The following FHIT variants were observed in gnomAD, a reference collection of about 807,000 sequenced individuals.
FHIT encodes the protein bis(5'-adenosyl)-triphosphatase.
A neutral mutation model predicts 17.9 loss-of-function variants in FHIT; 19 were observed. The observed-to-expected ratio is 1.06, with a 90% CI of 0.74 to 1.56. The LOEUF (loss-of-function observed/expected upper bound fraction) is 1.56. Among genes scored for constraint, FHIT ranks in the 40% most tolerant of loss-of-function variants. The pLI, the probability that FHIT is intolerant of heterozygous loss-of-function variation, is 0.00. For synonymous variants in FHIT, 81 were observed against 69.7 expected (o/e 1.16, Z -0.81); for missense variants, 248 against 189.2 (o/e 1.31, Z -1.82).
intron 5 of FHIT, among the ~76,000 whole-genome samples, chr3:60,208,289 A>G (rs1428034940): frequency 1.3e-5 from 2 of 152,296 alleles, no homozygotes; most frequent in East Asian, 1.9e-4. Context: ...AAGCTTATTA[A>G]AAGATGCAGG....
intron 5 of FHIT, among the ~76,000 whole-genome samples, chr3:60,025,790 T>C (rs1187975396): frequency 2.7e-5 from 4 of 149,186 alleles, no homozygotes; most frequent in Non-Finnish European, 5.9e-5. Flanking sequence ...TTTCCAAATG[T>C]TTCCAAAACA....
intron 5 of FHIT, among the ~76,000 whole-genome samples, chr3:60,244,918 CTG>C (rs1413383029): frequency 2.0e-5 from 3 of 152,130 alleles, no homozygotes; most frequent in Middle Eastern, 6.8e-3. Flanking sequence ...TTTAGAAAAA[CTG>C]TATCATAAAA....
chr3:60,159,396 T>A (rs567815451), intron 5 of FHIT, among the ~76,000 whole-genome samples: 1 of 152,286 alleles, frequency 6.6e-6, no homozygotes, highest in Admixed American at 6.5e-5. Context: ...GCTGGAATTA[T>A]AGGTGTGGGC....
rs540884403 is a variant in FHIT, at chr3:61,176,613, T to A, written c.-164+24004A>T. On this transcript the variant is annotated intron_variant, in intron 2 of 9. Transcript: ENST00000492590. The stretch of plus-strand genomic sequence containing the variant: ...AGAATTTGCAATATCCACCTCGAGG[T>A]TAACCTGAAACTCAATTTCACAGCT... Among the ~76,000 whole-genome samples, 4 of 152,286 alleles carry A rather than the reference T, an allele frequency of 2.6e-5. No homozygotes were observed. The South Asian group carries it at 8.3e-4, about 32-fold the overall frequency.
At chr3:60,845,080 T>C (rs1702878532) in intron 3 of FHIT, among the ~76,000 whole-genome samples, 2 of 152,142 alleles carry the variant, frequency 1.3e-5, no homozygotes, top group Admixed American at 1.3e-4. Flanking sequence ...GAATTCATAA[T>C]TCTTTACTCC....
chr3:60,749,862 A>T (rs540102577), intron 4 of FHIT, among the ~76,000 whole-genome samples: 2 of 152,336 alleles, frequency 1.3e-5, no homozygotes, highest in Non-Finnish European at 2.9e-5. Context: ...AATCTTAGTT[A>T]ATACTCAAAT....
Position 59,928,383 on chromosome 3 carries a change from G to A in FHIT, c.280-5969C>T, listed in dbSNP as rs180958073. Among the ~76,000 whole-genome samples the A allele has an allele frequency of 1.6e-4, 24 of 152,284 alleles. No individual in the cohort carries two copies. The East Asian group carries it at 2.1e-3, about 13-fold the overall frequency. ...AATGTCATCAGGAGTCCTTAAAACT[G>A]GAAGAGGGTGAACATCATCAAAATT... On this transcript the variant is annotated intron_variant, in intron 7 of 9. Coordinates refer to ENST00000492590, the MANE Select transcript of FHIT (RefSeq NM_002012.4).
intron 2 of FHIT, among the ~76,000 whole-genome samples, chr3:61,190,355 G>C (rs2038673991): frequency 6.6e-6 from 1 of 152,176 alleles, no homozygotes; most frequent in Non-Finnish European, 1.5e-5. Flanking sequence ...GGCCATCAGA[G>C]ACATGCAAAT....
In FHIT at chr3:60,494,412, T is replaced by C. The variant is rs554350358; in HGVS notation, c.103+42448A>G. Among the ~76,000 whole-genome samples the C allele has an allele frequency of 9.7e-5, 14 of 144,748 alleles. No individual in the cohort carries two copies. In the East Asian group the frequency reaches 3.3e-3, roughly 34 times the overall value. The allele number at this position is 144,748 out of a possible 152,430, so 95.0% of individuals were successfully genotyped here. ...GATACAGACATGCAATGTGTAATAA[T>C]CACATCATGTAAAATGGGGTATCCA... On this transcript the variant is annotated intron_variant, in intron 5 of 9. Transcript: ENST00000492590.
intron 4 of FHIT, among the ~76,000 whole-genome samples, chr3:60,694,828 A>G (rs1399363401): frequency 6.6e-6 from 1 of 151,680 alleles, no homozygotes; most frequent in Non-Finnish European, 1.5e-5. Context: ...AAAACCAAAC[A>G]CCACATGTTC....
At chr3:60,124,723 T>C (rs1258039608) in intron 5 of FHIT, among the ~76,000 whole-genome samples, 1 of 152,234 alleles carries the variant, frequency 6.6e-6, no homozygotes, top group Non-Finnish European at 1.5e-5. Context: ...TAGCTAATGT[T>C]ACTCTTATTT....
intron 7 of FHIT, among the ~76,000 whole-genome samples, chr3:59,986,540 T>TATATACACACACACAC (rs1473518719): frequency 7.2e-4 from 9 of 12,414 alleles, no homozygotes; most frequent in Admixed American, 1.2e-3. Context: ...TATATATATA[T>TATATACACACACACAC]ACACACACAC....
chr3:61,153,318 G>A (rs975722101), intron 2 of FHIT, among the ~76,000 whole-genome samples: 2 of 152,150 alleles, frequency 1.3e-5, no homozygotes, highest in Non-Finnish European at 2.9e-5. Context: ...GATGCTAAGT[G>A]AGCATATCAA....
intron 5 of FHIT, among the ~76,000 whole-genome samples, chr3:60,385,597 TGAAACAG>T (rs1700975588): frequency 6.6e-6 from 1 of 152,200 alleles, no homozygotes; most frequent in Non-Finnish European, 1.5e-5. Flanking sequence ...TTTTTGTAAC[TGAAACAG>T]GATCTCACTT....
At chr3:60,592,335 C>T (rs563158728) in intron 4 of FHIT, among the ~76,000 whole-genome samples, 134 of 150,436 alleles carry the variant, frequency 8.9e-4, no homozygotes, top group African/African-American at 3.1e-3. Context: ...AAAGGAGATG[C>T]GAATAAAAAA....
intron 5 of FHIT, among the ~76,000 whole-genome samples, chr3:60,061,994 A>G (rs1264636644): frequency 6.6e-6 from 1 of 152,156 alleles, no homozygotes; most frequent in Non-Finnish European, 1.5e-5. Flanking sequence ...AAATGAAGAT[A>G]CGTCTCATGT....
chr3:60,449,982 A>ACTC (rs1422171525), intron 5 of FHIT, among the ~76,000 whole-genome samples: 3 of 137,024 alleles, frequency 2.2e-5, no homozygotes, highest in Non-Finnish European at 4.6e-5. Flanking sequence ...CAGCCTGGCG[A>ACTC]CAGAGCTAGA....
chr3:60,599,131 C>T (rs1289692637), intron 4 of FHIT, among the ~76,000 whole-genome samples: 1 of 152,126 alleles, frequency 6.6e-6, no homozygotes, highest in Non-Finnish European at 1.5e-5. Context: ...CTTGATCCCG[C>T]CAGATCAGAA....
chr3:60,711,049 C>T (rs1348706893), intron 4 of FHIT, among the ~76,000 whole-genome samples: 2 of 152,182 alleles, frequency 1.3e-5, no homozygotes, highest in African/African-American at 4.8e-5. Flanking sequence ...TGACACCTCA[C>T]ACGGCTGGGT....
Sources: gnomAD v4.1 joint callset for allele counts (sites outside exome capture counted in the v4.1 genomes callset) on GRCh38, gnomAD v4.1.1 for gene constraint, MANE v1.5 for transcripts, NCBI Gene and HGNC (gene_info 2026-07-23, HGNC 2026-07-21) for gene names.